The following CSMD1 variants were observed in gnomAD, a reference collection of about 807,000 sequenced individuals.
CSMD1 encodes CUB and Sushi multiple domains 1.
A neutral mutation model predicts 417.5 loss-of-function variants in CSMD1; 213 were observed. The ratio of observed to expected loss-of-function variants is 0.51; its 90% CI spans 0.46 to 0.57. The LOEUF is 0.57. Ranked by LOEUF, CSMD1 falls within the 20% of genes least tolerant of loss-of-function variation. The probability of loss-of-function intolerance (pLI) is 0.00; values close to 1 mark genes in which losing one functional copy is unlikely to be tolerated. For missense variants in CSMD1, 6,923 were observed against 4,529.7 expected, an observed-to-expected ratio of 1.53 and a Z score of -15.17; for synonymous variants, 2,862 against 1,736.8, an observed-to-expected ratio of 1.65 and a Z score of -16.11.
At chr8:4,685,004 A>G (rs1298864961) in intron 1 of CSMD1, among the ~76,000 whole-genome samples, 1 of 152,184 alleles carries the variant, frequency 6.6e-6, no homozygotes, top group South Asian at 2.1e-4. Context: ...ACTAACATAG[A>G]ACAACGGGAC....
chr8:3,188,023 T>C, intron 35 of CSMD1, 58 bp from the exon 36 acceptor site: 1 of 1,362,850 alleles, frequency 7.3e-7, no homozygotes, highest in East Asian at 2.5e-5. Flanking sequence ...ATTAGTCTAA[T>C]TAGATGGGGT....
intron 2 of CSMD1, among the ~76,000 whole-genome samples, chr8:4,558,258 T>A (rs1206197570): frequency 6.6e-6 from 1 of 152,172 alleles, no homozygotes; most frequent in African/African-American, 2.4e-5. Context: ...CTGGTGAGTA[T>A]CCACTTCCAC....
At chr8:3,139,946 A>C (rs1176541850) in intron 41 of CSMD1, among the ~76,000 whole-genome samples, 1 of 140,574 alleles carries the variant, frequency 7.1e-6, no homozygotes, top group East Asian at 2.0e-4. Context: ...TCTGTCACCC[A>C]GACTGGAGTG....
chr8:4,692,504 A>C (rs1806832056), intron 1 of CSMD1, among the ~76,000 whole-genome samples: 1 of 152,104 alleles, frequency 6.6e-6, no homozygotes, highest in Non-Finnish European at 1.5e-5. Context: ...AAAAGAAAAT[A>C]TCTAAGACAT....
At chr8:4,913,310 T>C (rs1805828534) in intron 1 of CSMD1, among the ~76,000 whole-genome samples, 1 of 152,260 alleles carries the variant, frequency 6.6e-6, no homozygotes, top group Admixed American at 6.5e-5. Flanking sequence ...TTTGGTGTTA[T>C]AATTACTTGC....
intron 1 of CSMD1, among the ~76,000 whole-genome samples, chr8:4,730,594 A>T (rs1809780888): frequency 6.6e-6 from 1 of 151,964 alleles, no homozygotes; most frequent in Non-Finnish European, 1.5e-5. Flanking sequence ...CAAAAAAATT[A>T]GCCGGGCGTG....
intron 26 of CSMD1, among the ~76,000 whole-genome samples, chr8:3,260,194 C>A (rs146687762): frequency 6.6e-6 from 1 of 152,186 alleles, no homozygotes; most frequent in Non-Finnish European, 1.5e-5. Flanking sequence ...TTATTATCTG[C>A]TTCCTCACCC....
intron 10 of CSMD1, among the ~76,000 whole-genome samples, chr8:3,495,935 G>A (rs973589573): frequency 1.3e-5 from 2 of 152,046 alleles, no homozygotes; most frequent in Admixed American, 6.6e-5. Flanking sequence ...CGGGGTACAT[G>A]GGCAGGATGT....
intron 7 of CSMD1, among the ~76,000 whole-genome samples, chr8:3,674,386 A>C (rs1424969912): frequency 6.6e-6 from 1 of 152,128 alleles, no homozygotes; most frequent in East Asian, 1.9e-4. Flanking sequence ...TAGAAGCCAT[A>C]ATTTCCTAAG....
In CSMD1 at chr8:3,291,375, T is replaced by A. The variant is rs1012020623; in HGVS notation, c.3951-7029A>T. 7.2e-5 allele frequency among the ~76,000 whole-genome samples: 11 copies of A among 152,216 alleles called. No homozygotes were observed. In the South Asian group the frequency reaches 1.7e-3, roughly 23 times the overall value. The stretch of plus-strand genomic sequence containing the variant: ...AGGGAGGATTCCCATCTTTTTCTTT[T>A]GATTGGAATAATTGAATAAGGATTG... On this transcript the variant is annotated intron_variant, in intron 25 of 69. Transcript: ENST00000635120.
chr8:3,087,074 G>A (rs761592196), intron 49 of CSMD1, 23 bp downstream of exon 49: 28 of 1,597,986 alleles, frequency 1.8e-5, no homozygotes, highest in Middle Eastern at 2.1e-4. Flanking sequence ...AAACAAGGCT[G>A]GGGATGAAAA....
chr8:4,051,308 C>CAAAAAAAAGAAAAAAAAAAAAAA (rs1798412127), intron 3 of CSMD1, among the ~76,000 whole-genome samples: 1 of 140,514 alleles, frequency 7.1e-6, no homozygotes, highest in African/African-American at 2.7e-5. Context: ...TTTGAAGACT[C>CAAAAAAAAGAAAAAAAAAAAAAA]AAAAAAAAAA....
At chr8:3,752,419 C>G (rs1797388393) in intron 6 of CSMD1, among the ~76,000 whole-genome samples, 1 of 152,196 alleles carries the variant, frequency 6.6e-6, no homozygotes, top group African/African-American at 2.4e-5. Flanking sequence ...CTTTGGGAGG[C>G]CGAGGCAGGC....
intron 1 of CSMD1, among the ~76,000 whole-genome samples, chr8:4,745,252 G>C (rs1419938793): frequency 6.6e-6 from 1 of 152,080 alleles, no homozygotes; most frequent in Non-Finnish European, 1.5e-5. Context: ...GTCCTAGAGA[G>C]AATTGTATTT....
chr8:4,045,853 C>T (rs973929009), intron 3 of CSMD1, among the ~76,000 whole-genome samples: 1 of 152,046 alleles, frequency 6.6e-6, no homozygotes, highest in African/African-American at 2.4e-5. Flanking sequence ...CAGACTCTGG[C>T]ACTGCATTAT....
intron 2 of CSMD1, among the ~76,000 whole-genome samples, chr8:4,601,860 C>T (rs1800605764): frequency 6.6e-6 from 1 of 152,166 alleles, no homozygotes; most frequent in Non-Finnish European, 1.5e-5. Flanking sequence ...GGTTCTGAGT[C>T]AGAAGCACTG....
intron 12 of CSMD1, among the ~76,000 whole-genome samples, chr8:3,466,924 A>G (rs1419056816): frequency 2.0e-5 from 3 of 152,020 alleles, no homozygotes; most frequent in African/African-American, 7.3e-5. Context: ...AAATCCTCAA[A>G]TGTTGTATTG....
At chr8:3,983,896 A>G (rs2740805) in intron 5 of CSMD1, among the ~76,000 whole-genome samples, 42,245 of 151,660 alleles carry the variant, frequency 0.28, 5,960 homozygotes, top group African/African-American at 0.32. Flanking sequence ...TGTCAATTGC[A>G]GTTCTAGAGC....
chr8:3,861,035 G>A (rs1461723191), intron 5 of CSMD1, among the ~76,000 whole-genome samples: 1 of 152,200 alleles, frequency 6.6e-6, no homozygotes, highest in African/African-American at 2.4e-5. Context: ...ATGAACTGCT[G>A]CTCTTAATTT....
Sources: gnomAD v4.1 joint callset for allele counts (sites outside exome capture counted in the v4.1 genomes callset) on GRCh38, gnomAD v4.1.1 for gene constraint, MANE v1.5 for transcripts, NCBI Gene and HGNC (gene_info 2026-07-23, HGNC 2026-07-21) for gene names.